Variants in GALNT13 observed in about 807,000 individuals in gnomAD.
GALNT13 encodes the protein UDP-GalNAc:polypeptide N-acetylgalactosaminyltransferase 13.
Under a neutral mutation model 64.2 loss-of-function variants are expected in GALNT13, and 28 were observed. The ratio of observed to expected loss-of-function variants is 0.44; its 90% CI spans 0.32 to 0.60. GALNT13 has a LOEUF of 0.60. GALNT13 is among the 20% of genes least tolerant of loss of function. The pLI is 0.05. For missense variants in GALNT13, 577 were observed against 669.8 expected (o/e 0.86, Z 1.53); for synonymous variants, 214 against 224.6 (o/e 0.95, Z 0.42).
intron 4 of GALNT13, among the ~76,000 whole-genome samples, chr2:154,224,229 T>C (rs1688469519): frequency 6.6e-6 from 1 of 152,112 alleles, no homozygotes. Flanking sequence ...AATCTTCACA[T>C]TTTAATAGGA....
intron 3 of GALNT13, among the ~76,000 whole-genome samples, chr2:154,062,764 C>A (rs899079441): frequency 3.9e-5 from 6 of 152,108 alleles, no homozygotes; most frequent in African/African-American, 1.4e-4. Context: ...CAAACCATAT[C>A]AACATTTCTA....
intron 9 of GALNT13, among the ~76,000 whole-genome samples, chr2:154,304,013 C>A (rs1006746982): frequency 6.6e-6 from 1 of 152,014 alleles, no homozygotes; most frequent in East Asian, 1.9e-4. Context: ...CTCAGCCTCG[C>A]GGAGTGCTGT....
chr2:154,351,454 C>T (rs543161966), intron 9 of GALNT13, among the ~76,000 whole-genome samples: 1 of 151,822 alleles, frequency 6.6e-6, no homozygotes, highest in Non-Finnish European at 1.5e-5. Context: ...GAGGCCGAGA[C>T]AGGCGGATCA....
At chr2:153,909,476 A>G (rs977989106) in intron 2 of GALNT13, among the ~76,000 whole-genome samples, 11 of 152,140 alleles carry the variant, frequency 7.2e-5, no homozygotes, top group African/African-American at 2.6e-4. Flanking sequence ...TACTATGTTT[A>G]ATAGGAGTGG....
chr2:153,637,680 G>A, the GALNT13 span, among the ~76,000 whole-genome samples: 3 of 152,118 alleles, frequency 2.0e-5, no homozygotes, highest in African/African-American at 7.2e-5. Flanking sequence ...GTCAGAAATT[G>A]TGTGCTATTA....
chr2:154,190,759 T>G (rs912023282), intron 4 of GALNT13, among the ~76,000 whole-genome samples: 12 of 152,226 alleles, frequency 7.9e-5, no homozygotes, highest in African/African-American at 2.7e-4. Context: ...AAATTTTAAC[T>G]ACATATGTAA....
the GALNT13 span, among the ~76,000 whole-genome samples, chr2:153,772,559 C>T: frequency 6.6e-6 from 1 of 152,166 alleles, no homozygotes; most frequent in Non-Finnish European, 1.5e-5. Context: ...TTCTCATTTT[C>T]CTTCTTGAAT....
chr2:153,261,558 G>T, the GALNT13 span, among the ~76,000 whole-genome samples: 1 of 152,138 alleles, frequency 6.6e-6, no homozygotes, highest in Non-Finnish European at 1.5e-5. Context: ...GTTCTGAAAT[G>T]CCTGGATCTG....
chr2:153,186,213 G>T, the GALNT13 span, among the ~76,000 whole-genome samples: 1 of 151,944 alleles, frequency 6.6e-6, no homozygotes, highest in Admixed American at 6.6e-5. Context: ...ATTATGTCAT[G>T]CCCTTCTTTG....
At chr2:153,778,100 G>GCCTGC in the GALNT13 span, among the ~76,000 whole-genome samples, 1 of 152,128 alleles carries the variant, frequency 6.6e-6, no homozygotes, top group Non-Finnish European at 1.5e-5. Context: ...CAAGTCAATG[G>GCCTGC]CCTGCTGGCA....
At chr2:153,222,013 A>G in the GALNT13 span, among the ~76,000 whole-genome samples, 1 of 151,920 alleles carries the variant, frequency 6.6e-6, no homozygotes, top group African/African-American at 2.4e-5. Flanking sequence ...TGAGCAGGGG[A>G]TGGGGAGGCG....
At chr2:154,160,878 G>C (rs1684687241) in intron 4 of GALNT13, among the ~76,000 whole-genome samples, 1 of 152,154 alleles carries the variant, frequency 6.6e-6, no homozygotes, top group South Asian at 2.1e-4. Context: ...AGAGATGTAT[G>C]ATAGATTCAC....
intron 3 of GALNT13, among the ~76,000 whole-genome samples, chr2:154,051,206 A>T (rs1039853554): frequency 9.2e-5 from 14 of 152,098 alleles, no homozygotes; most frequent in Non-Finnish European, 8.8e-5. Context: ...GTAGAGTATA[A>T]CTTGTTAAAT....
At chr2:154,007,699 G>A (rs1230596887) in intron 3 of GALNT13, among the ~76,000 whole-genome samples, 1 of 151,960 alleles carries the variant, frequency 6.6e-6, no homozygotes, top group African/African-American at 2.4e-5. Context: ...TTGGGAGATA[G>A]AGAAGGGAAT....
chr2:153,409,772 G>A, the GALNT13 span, among the ~76,000 whole-genome samples: 1 of 152,044 alleles, frequency 6.6e-6, no homozygotes, highest in Non-Finnish European at 1.5e-5. Flanking sequence ...GGATATTGAT[G>A]TAAAAAGAAC....
chr2:154,146,047 C>T (rs952405888), intron 4 of GALNT13, among the ~76,000 whole-genome samples: 4 of 151,596 alleles, frequency 2.6e-5, no homozygotes, highest in Non-Finnish European at 5.9e-5. Flanking sequence ...GTAATGTGCT[C>T]ATGTGTAGAA....
At chr2:154,245,691 A>G (rs1228412603) in intron 6 of GALNT13, 121 bp from the exon 7 acceptor site, 5 of 620,764 alleles carry the variant, frequency 8.1e-6, no homozygotes, top group Non-Finnish European at 1.4e-5. Flanking sequence ...AAATGAAGCT[A>G]AAGGCATATT....
At chr2:154,039,712 T>A (rs1698871288) in intron 3 of GALNT13, among the ~76,000 whole-genome samples, 1 of 138,804 alleles carries the variant, frequency 7.2e-6, no homozygotes, top group Admixed American at 7.3e-5. Context: ...CACTGTAGGG[T>A]GAATATACCT....
At chr2:154,145,087 T>G (rs1427735726) in intron 4 of GALNT13, among the ~76,000 whole-genome samples, 1 of 123,994 alleles carries the variant, frequency 8.1e-6, no homozygotes, top group African/African-American at 2.9e-5. Flanking sequence ...TATCTATCTA[T>G]CTATCTATCT....
Sources: allele counts gnomAD v4.1 joint callset (sites outside exome capture counted in the v4.1 genomes callset), GRCh38; gene constraint gnomAD v4.1.1; transcripts MANE v1.5; gene names NCBI Gene and HGNC (gene_info 2026-07-23, HGNC 2026-07-21).